The following PPP1R12A variants were observed in gnomAD, a reference collection of about 807,000 sequenced individuals.
PPP1R12A encodes the protein protein phosphatase 1 regulatory subunit 12A.
PPP1R12A carries 19 observed loss-of-function variants against 139.6 expected under a neutral mutation model. That is an observed-to-expected ratio of 0.14 (90% CI 0.09 to 0.20). PPP1R12A has a LOEUF of 0.20. Among genes scored for constraint, PPP1R12A ranks in the 10% least tolerant of loss-of-function variants. The pLI, the probability that PPP1R12A is intolerant of heterozygous loss-of-function variation, is 1.00. For synonymous variants in PPP1R12A, 427 were observed against 420.6 expected, an observed-to-expected ratio of 1.02 and a Z score of -0.19; for missense variants, 925 against 1,211.5, an observed-to-expected ratio of 0.76 and a Z score of 3.51.
At chr12:79,887,817 C>T (rs1262784568) in intron 1 of PPP1R12A, among the ~76,000 whole-genome samples, 1 of 152,110 alleles carries the variant, frequency 6.6e-6, no homozygotes, top group Non-Finnish European at 1.5e-5. Context: ...ACAATTCTTG[C>T]TGTTGCAATG....
At chr12:79,867,507 AGCTCCT>A (rs1882102469) in intron 2 of PPP1R12A, among the ~76,000 whole-genome samples, 1 of 129,908 alleles carries the variant, frequency 7.7e-6, no homozygotes, top group African/African-American at 2.7e-5. Context: ...CAAATGCATG[AGCTCCT>A]AATATTACTT....
intron 1 of PPP1R12A, among the ~76,000 whole-genome samples, chr12:79,890,322 G>A (rs202246287): frequency 6.6e-6 from 1 of 152,148 alleles, no homozygotes; most frequent in African/African-American, 2.4e-5. Flanking sequence ...AACAAAATGA[G>A]ATGAAGATTA....
At chr12:79,911,327 C>T (rs1239912934) in intron 1 of PPP1R12A, among the ~76,000 whole-genome samples, 1 of 152,106 alleles carries the variant, frequency 6.6e-6, no homozygotes, top group Non-Finnish European at 1.5e-5. Flanking sequence ...TGCATTTTAT[C>T]CTAAGCGAAC....
chr12:79,892,830 G>A (rs1447435096), intron 1 of PPP1R12A, among the ~76,000 whole-genome samples: 9 of 152,074 alleles, frequency 5.9e-5, no homozygotes, highest in Non-Finnish European at 1.2e-4. Flanking sequence ...GAGGTCAGGC[G>A]TGGTGGCTCA....
At chr12:79,922,257 A>G (rs932040248) in intron 1 of PPP1R12A, among the ~76,000 whole-genome samples, 1 of 152,126 alleles carries the variant, frequency 6.6e-6, no homozygotes, top group Admixed American at 6.6e-5. Context: ...GCAAGACCCC[A>G]TCTCAAAACA....
At chr12:79,781,024 A>C (rs886303520) in intron 23 of PPP1R12A, among the ~76,000 whole-genome samples, 2 of 152,180 alleles carry the variant, frequency 1.3e-5, no homozygotes, top group African/African-American at 4.8e-5. Flanking sequence ...CTCTTTGATC[A>C]TAGCTACCAG....
intron 1 of PPP1R12A, among the ~76,000 whole-genome samples, chr12:79,882,485 T>C (rs1179762369): frequency 1.3e-5 from 2 of 152,196 alleles, no homozygotes; most frequent in Non-Finnish European, 2.9e-5. Flanking sequence ...ATCTCATGAT[T>C]AAAACTTGAA....
intron 1 of PPP1R12A, among the ~76,000 whole-genome samples, chr12:79,927,574 G>C (rs890389267): frequency 2.0e-5 from 3 of 152,168 alleles, no homozygotes; most frequent in African/African-American, 7.2e-5. Flanking sequence ...CCATAATGAT[G>C]AAAAGATTTA....
chr12:79,854,656 A>C (rs577319743), intron 2 of PPP1R12A, among the ~76,000 whole-genome samples: 1 of 152,140 alleles, frequency 6.6e-6, no homozygotes, highest in Non-Finnish European at 1.5e-5. Flanking sequence ...CTTCATCTAT[A>C]ATTTTTATTT....
chr12:79,815,108 T>C (rs1293161224), intron 9 of PPP1R12A, among the ~76,000 whole-genome samples: 1 of 152,170 alleles, frequency 6.6e-6, no homozygotes, highest in Non-Finnish European at 1.5e-5. Flanking sequence ...AGTTAGGGCA[T>C]TAGGTATAAA....
intron 20 of PPP1R12A, 47 bp from the exon 21 acceptor site, chr12:79,788,830 A>C: frequency 6.7e-7 from 1 of 1,481,566 alleles, no homozygotes; most frequent in South Asian, 1.3e-5. Context: ...AGGCTTTTAC[A>C]ATTATAACAA....
chr12:79,844,977 A>G (rs1226341600), intron 3 of PPP1R12A, among the ~76,000 whole-genome samples: 1 of 152,160 alleles, frequency 6.6e-6, no homozygotes, highest in Non-Finnish European at 1.5e-5. Context: ...CTTCTTGACC[A>G]CACTATTTAA....
At chr12:79,845,680 CA>C (rs1326517182) in intron 2 of PPP1R12A, among the ~76,000 whole-genome samples, 1 of 151,932 alleles carries the variant, frequency 6.6e-6, no homozygotes, top group East Asian at 1.9e-4. Context: ...ACTAAAAATA[CA>C]AAAAATTAGC....
intron 10 of PPP1R12A, among the ~76,000 whole-genome samples, chr12:79,808,957 T>TATA (rs1874190924): frequency 6.6e-6 from 1 of 152,156 alleles, no homozygotes; most frequent in Non-Finnish European, 1.5e-5. Context: ...ATTTATATTA[T>TATA]ATAAGCTATT....
chr12:79,881,757 G>C (rs191036401), intron 1 of PPP1R12A, among the ~76,000 whole-genome samples: 1 of 152,288 alleles, frequency 6.6e-6, no homozygotes, highest in Non-Finnish European at 1.5e-5. Context: ...CTTGAGAGGA[G>C]AAATCAATGC....
intron 1 of PPP1R12A, among the ~76,000 whole-genome samples, chr12:79,924,565 A>C (rs1464077187): frequency 6.6e-6 from 1 of 152,114 alleles, no homozygotes; most frequent in East Asian, 1.9e-4. Context: ...AGTAGCTGGG[A>C]CCACAGATGC....
chr12:79,805,703 A>G lies in PPP1R12A; in HGVS notation c.1889T>C (p.Val630Ala). 6.2e-7 allele frequency: 1 copy of G among 1,613,584 alleles called. No homozygotes were observed. The highest frequency in any genetic ancestry group is 8.5e-7 in the Non-Finnish European group (1 of 1,179,640). The stretch of plus-strand genomic sequence containing the variant: ...AACAGTTGGAGCAACAGGAATGGTC[A>G]CTGCCGTAGGAACACTGTCCTTTTC... Reference protein sequence around the residue: ...EKEKDSVPTAVTIPVAPTVVN... With the variant: ...EKEKDSVPTAATIPVAPTVVN... The change falls in exon 14 of 25, where the codon GTG becomes GCG. Residue 630 changes from valine (V) to alanine (A), a missense_variant. Around this residue, in one of 4 missense-constraint regions of PPP1R12A, gnomAD observed 403 missense variants for 463.7 expected, o/e 0.87. Coordinates refer to ENST00000450142, the MANE Select transcript of PPP1R12A (RefSeq NM_002480.3).
In PPP1R12A at chr12:79,805,779, A is replaced by G; in HGVS notation, c.1824-11T>C. On this transcript the variant is annotated splice_polypyrimidine_tract_variant and intron_variant, in intron 13 of 24. Transcript: ENST00000450142. ...AAACGATTTGAGGTACTATAGCATC[A>G]TAAGCAGCAACACAAAAAAGAGAAA... 1 of 1,601,616 alleles carries G rather than the reference A, an allele frequency of 6.2e-7. No individual in the cohort carries two copies.
intron 2 of PPP1R12A, among the ~76,000 whole-genome samples, chr12:79,871,212 G>T (rs1422684340): frequency 6.6e-6 from 1 of 152,080 alleles, no homozygotes; most frequent in Non-Finnish European, 1.5e-5. Context: ...TGTATAACAA[G>T]TACCATTATT....
Sources: gnomAD v4.1 joint callset for allele counts (sites outside exome capture counted in the v4.1 genomes callset) on GRCh38, gnomAD v4.1.1 for gene constraint, gnomAD v4.1.1 regional missense constraint, MANE v1.5 for transcripts, NCBI Gene and HGNC (gene_info 2026-07-23, HGNC 2026-07-21) for gene names.